The following MGST2 variants were observed in gnomAD, a reference collection of about 807,000 sequenced individuals.
MGST2 encodes microsomal glutathione S-transferase 2.
In MGST2, 9 loss-of-function variants were observed where a neutral mutation model predicts 16.6. The ratio of observed to expected loss-of-function variants is 0.54; its 90% confidence interval spans 0.33 to 0.95. The LOEUF is 0.95. MGST2 is among the 40% of genes least tolerant of loss of function. MGST2 has a pLI of 0.03. For synonymous variants in MGST2, 79 were observed against 68.0 expected (o/e 1.16, Z -0.79); for missense variants, 159 against 175.1 (o/e 0.91, Z 0.52).
chr4:139,719,620 G>A (rs1259063785), intron 5 of MGST2: 2 of 1,612,582 alleles, frequency 1.2e-6, no homozygotes, highest in East Asian at 2.2e-5. Flanking sequence ...TCGCCTGGCT[G>A]GTGCCTTGCT....
chr4:139,712,821 C>T lies in MGST2; in HGVS notation c.*48+8625C>T, dbSNP rs564802457. 1.8e-4 allele frequency among the ~76,000 whole-genome samples: 28 copies of T among 152,338 alleles called. No individual in the cohort carries two copies. The South Asian group carries it at 4.8e-3, about 26-fold the overall frequency. On this transcript the variant is annotated intron_variant, in intron 5 of 5. Transcript: ENST00000616265. Reference sequence around the variant, plus strand: ...TCAAGTTTGATTCCTTAAAGGAAAGCACACCATTCCAGTCAAAGCCTTGGT... The same window carrying T: ...TCAAGTTTGATTCCTTAAAGGAAAGTACACCATTCCAGTCAAAGCCTTGGT...
intron 5 of MGST2, among the ~76,000 whole-genome samples, chr4:139,716,543 G>A (rs1727968310): frequency 6.8e-6 from 1 of 147,186 alleles, no homozygotes; most frequent in African/African-American, 2.6e-5. Context: ...ACATCCTTCA[G>A]AGTGCGGCAG....
intron 5 of MGST2, among the ~76,000 whole-genome samples, chr4:139,727,995 T>G (rs1435539493): frequency 6.6e-6 from 1 of 152,104 alleles, no homozygotes; most frequent in Non-Finnish European, 1.5e-5. Context: ...GCAGGCAGAT[T>G]GCTTGAGCCC....
At chr4:139,681,250 T>C (rs1160145349) in intron 2 of MGST2, among the ~76,000 whole-genome samples, 1 of 152,174 alleles carries the variant, frequency 6.6e-6, no homozygotes, top group African/African-American at 2.4e-5. Flanking sequence ...ACATCTGGGC[T>C]CAAGCAATCT....
chr4:139,687,983 T>C (rs1442608945), intron 2 of MGST2, among the ~76,000 whole-genome samples: 2 of 152,240 alleles, frequency 1.3e-5, no homozygotes, highest in Non-Finnish European at 2.9e-5. Context: ...GAAAATTCTA[T>C]CTCATCTAAT....
intron 5 of MGST2, among the ~76,000 whole-genome samples, chr4:139,712,751 A>G (rs986622678): frequency 1.3e-5 from 2 of 152,130 alleles, no homozygotes; most frequent in Non-Finnish European, 2.9e-5. Context: ...TGTGTAGGCA[A>G]GGTATGAGGC....
chr4:139,713,173 C>T (rs1396532691), intron 5 of MGST2, among the ~76,000 whole-genome samples: 1 of 152,100 alleles, frequency 6.6e-6, no homozygotes, highest in African/African-American at 2.4e-5. Context: ...TATTTCCTAC[C>T]TAGTTATTTC....
intron 3 of MGST2, among the ~76,000 whole-genome samples, chr4:139,699,274 T>G (rs1727107759): frequency 6.6e-6 from 1 of 152,278 alleles, no homozygotes; most frequent in South Asian, 2.1e-4. Context: ...TAATACTGCA[T>G]CTTTACACTT....
intron 5 of MGST2, among the ~76,000 whole-genome samples, chr4:139,716,131 T>G (rs979073388): frequency 3.3e-5 from 5 of 152,142 alleles, no homozygotes; most frequent in African/African-American, 1.2e-4. Flanking sequence ...GGAGCAAAAT[T>G]ATATCTGAGT....
intron 1 of MGST2, among the ~76,000 whole-genome samples, chr4:139,670,828 T>C (rs901361197): frequency 6.6e-6 from 1 of 150,904 alleles, no homozygotes; most frequent in African/African-American, 2.4e-5. Context: ...GTGTGAGAAT[T>C]GCTTGAGTCC....
intron 5 of MGST2, among the ~76,000 whole-genome samples, chr4:139,713,312 G>C (rs931196698): frequency 2.6e-5 from 4 of 151,600 alleles, no homozygotes; most frequent in African/African-American, 9.7e-5. Flanking sequence ...TTAATTCCTG[G>C]GGTTTCAAGA....
chr4:139,689,829 C>A (rs532662979), intron 2 of MGST2, among the ~76,000 whole-genome samples: 2 of 152,080 alleles, frequency 1.3e-5, no homozygotes, highest in Non-Finnish European at 2.9e-5. Flanking sequence ...ATATTGTGTT[C>A]GTTGGACACG....
chr4:139,720,975 G>A (rs1378607481), intron 5 of MGST2, among the ~76,000 whole-genome samples: 2 of 152,092 alleles, frequency 1.3e-5, no homozygotes, highest in South Asian at 2.1e-4. Context: ...GACATTTTTC[G>A]GATCCACTCT....
At chr4:139,734,693 T>G (rs954187478) in intron 5 of MGST2, among the ~76,000 whole-genome samples, 1 of 152,224 alleles carries the variant, frequency 6.6e-6, no homozygotes, top group African/African-American at 2.4e-5. Flanking sequence ...GGTAAAAATA[T>G]CTCCCAAGAA....
In MGST2 at chr4:139,725,657, C is replaced by G. The variant is rs1287656917; in HGVS notation, c.*49-14555C>G. On this transcript the variant is annotated intron_variant, in intron 5 of 5. Transcript: ENST00000616265. ...ACATATTTTGAGTATTTCCTGGACA[C>G]AAATACAGCCAGTAAGGCAATGCCT... 2.4e-6 allele frequency: 3 copies of G among 1,228,794 alleles called. No individual in the cohort carries two copies. In the African/African-American group the frequency reaches 4.5e-5, roughly 18 times the overall value. 76.1% of individuals were successfully genotyped at this position (1,228,794 alleles called of 1,614,324 possible).
intron 2 of MGST2, among the ~76,000 whole-genome samples, chr4:139,680,961 G>A (rs1342519065): frequency 6.6e-6 from 1 of 152,048 alleles, no homozygotes; most frequent in Non-Finnish European, 1.5e-5. Flanking sequence ...TTTCTTCACT[G>A]TGCTCAACCC....
chr4:139,744,172 C>T (rs1729252299), downstream of MGST2, among the ~76,000 whole-genome samples: 1 of 152,224 alleles, frequency 6.6e-6, no homozygotes, highest in African/African-American at 2.4e-5. Context: ...GGAAGGCTGA[C>T]TAGGTCAGTT....
At chr4:139,742,567 G>A (rs575193717), downstream of MGST2, among the ~76,000 whole-genome samples, 1 of 152,334 alleles carries the variant, frequency 6.6e-6, no homozygotes, top group Non-Finnish European at 1.5e-5. Flanking sequence ...TTAATAATGA[G>A]GAAGTTAGAA....
At chr4:139,742,448 C>G (rs537167080), downstream of MGST2, among the ~76,000 whole-genome samples, 4 of 152,304 alleles carry the variant, frequency 2.6e-5, no homozygotes, top group African/African-American at 9.6e-5. Flanking sequence ...CGCACCTGGC[C>G]GTCTTAAACT....
Sources: gnomAD v4.1 joint callset for allele counts (sites outside exome capture counted in the v4.1 genomes callset) on GRCh38, gnomAD v4.1.1 for gene constraint, MANE v1.5 for transcripts, NCBI Gene and HGNC (gene_info 2026-07-23, HGNC 2026-07-21) for gene names.